The following LINGO2 variants were observed in gnomAD, a reference collection of about 807,000 sequenced individuals.
LINGO2 encodes the protein leucine-rich repeat and immunoglobulin-like domain-containing nogo receptor-interacting protein 2.
A neutral mutation model predicts 30.6 loss-of-function variants in LINGO2; 14 were observed. That is an observed-to-expected ratio of 0.46 (90% CI 0.30 to 0.72). The LOEUF is 0.72. Among genes scored for constraint, LINGO2 ranks in the 30% least tolerant of loss-of-function variants. The probability of loss-of-function intolerance (pLI) is 0.07; values close to 1 mark genes in which losing one functional copy is unlikely to be tolerated. For missense variants in LINGO2, 729 were observed against 751.7 expected, an observed-to-expected ratio of 0.97 and a Z score of 0.35; for synonymous variants, 317 against 288.5, an observed-to-expected ratio of 1.10 and a Z score of -1.00.
chr9:28,427,048 T>A (rs1352496878), intron 2 of LINGO2, among the ~76,000 whole-genome samples: 1 of 152,084 alleles, frequency 6.6e-6, no homozygotes, highest in South Asian at 2.1e-4. Flanking sequence ...AAACCTAATA[T>A]CTGGTTTCAT....
chr9:29,037,263 T>C, the LINGO2 span, among the ~76,000 whole-genome samples: 1 of 151,894 alleles, frequency 6.6e-6, no homozygotes, highest in African/African-American at 2.4e-5. Flanking sequence ...TTTGGATCAA[T>C]AGCTTTACTA....
chr9:28,637,830 T>C (rs1827359417), intron 1 of LINGO2, among the ~76,000 whole-genome samples: 2 of 152,176 alleles, frequency 1.3e-5, no homozygotes, highest in South Asian at 2.1e-4. Context: ...TGCTGCCTGA[T>C]TGCCCTGGCC....
the LINGO2 span, among the ~76,000 whole-genome samples, chr9:28,675,930 C>CAT: frequency 1.5e-3 from 167 of 108,696 alleles, no homozygotes; most frequent in East Asian, 0.018. Flanking sequence ...TATATACATA[C>CAT]ACACACACAC....
chr9:27,975,063 G>A (rs569302937), intron 5 of LINGO2, among the ~76,000 whole-genome samples: 3 of 152,206 alleles, frequency 2.0e-5, no homozygotes, highest in East Asian at 1.9e-4. Context: ...GAATATCAGA[G>A]TGAGGACCTA....
At position 28,148,182 on chromosome 9, in the gene LINGO2, C is replaced by T; in HGVS notation, c.-86-135777G>A. ...AACCCTCAGCGACATCTTGGGCCTT[C>T]TTTTCCAGTCAGTTGGGACGGCGCC... is the stretch of plus-strand genomic sequence containing the variant. On this transcript the variant is annotated intron_variant, in intron 4 of 5. Coordinates refer to ENST00000379992, the Ensembl canonical transcript of LINGO2. The surrounding 1 kb of genome is among the most constrained non-coding windows in gnomAD (Gnocchi z 5.1). 1 of 808,754 alleles carries T rather than the reference C, an allele frequency of 1.2e-6. No individual in the cohort carries two copies. The highest frequency in any genetic ancestry group is 1.8e-6 in the Non-Finnish European group (1 of 563,950). The allele number at this position is 808,754 out of a possible 1,614,324, so 50.1% of individuals were successfully genotyped here.
the LINGO2 span, among the ~76,000 whole-genome samples, chr9:28,851,509 T>A: frequency 1.3e-5 from 2 of 152,130 alleles, no homozygotes; most frequent in Admixed American, 6.6e-5. Flanking sequence ...CAATCTGCAA[T>A]ATTAATTTCT....
rs1274756178 is a variant in LINGO2, at chr9:28,065,016, A to G, written c.-86-52611T>C. Reference sequence around the variant, plus strand: ...TACAAAAATCCATATTATAGGACGCACAACATTCCTACACATGCTGCTTGA... The same window carrying G: ...TACAAAAATCCATATTATAGGACGCGCAACATTCCTACACATGCTGCTTGA... On this transcript the variant is annotated intron_variant, in intron 4 of 5. Transcript: ENST00000379992. 2.0e-5 allele frequency among the ~76,000 whole-genome samples: 3 copies of G among 151,540 alleles called. No individual in the cohort carries two copies. In the South Asian group the frequency reaches 6.3e-4, roughly 32 times the overall value.
At chr9:29,070,614 A>G in the LINGO2 span, among the ~76,000 whole-genome samples, 1 of 152,080 alleles carries the variant, frequency 6.6e-6, no homozygotes, top group African/African-American at 2.4e-5. Flanking sequence ...GACAGACATG[A>G]GTGAGATGAG....
intron 4 of LINGO2, among the ~76,000 whole-genome samples, chr9:28,167,219 C>G (rs765654568): frequency 1.1e-4 from 16 of 144,744 alleles, no homozygotes; most frequent in Non-Finnish European, 2.1e-4. Context: ...AAATCTGCTT[C>G]TACTCAACTT....
intron 5 of LINGO2, among the ~76,000 whole-genome samples, chr9:27,962,450 T>G (rs1272956638): frequency 6.6e-6 from 1 of 152,088 alleles, no homozygotes; most frequent in African/African-American, 2.4e-5. Context: ...GGTGGATCAA[T>G]TTCAGCTCCA....
intron 1 of LINGO2, among the ~76,000 whole-genome samples, chr9:28,484,476 G>A (rs1826093520): frequency 6.6e-6 from 1 of 152,046 alleles, no homozygotes; most frequent in South Asian, 2.1e-4. Context: ...CTGCCCTGCA[G>A]GATATAGAAC....
At chr9:29,106,188 G>T in the LINGO2 span, among the ~76,000 whole-genome samples, 1 of 152,254 alleles carries the variant, frequency 6.6e-6, no homozygotes, top group Admixed American at 6.5e-5. Context: ...AGTATAGTAG[G>T]TATCTGGGTA....
chr9:28,286,506 A>T (rs557893823), intron 4 of LINGO2, among the ~76,000 whole-genome samples: 1 of 152,240 alleles, frequency 6.6e-6, no homozygotes, highest in Non-Finnish European at 1.5e-5. Flanking sequence ...AGACACATGC[A>T]CACATATGTT....
chr9:28,790,363 C>G, the LINGO2 span, among the ~76,000 whole-genome samples: 1 of 118,142 alleles, frequency 8.5e-6, no homozygotes, highest in Non-Finnish European at 1.6e-5. Context: ...GAATCTCGCT[C>G]TGTGGCCCAG....
chr9:28,393,641 G>A (rs760454628), intron 2 of LINGO2, among the ~76,000 whole-genome samples: 2 of 152,186 alleles, frequency 1.3e-5, no homozygotes, highest in Non-Finnish European at 1.5e-5. Context: ...AATAGCGATG[G>A]AGTGGAATGC....
At chr9:28,900,144 C>A in the LINGO2 span, among the ~76,000 whole-genome samples, 38 of 152,168 alleles carry the variant, frequency 2.5e-4, no homozygotes, top group African/African-American at 8.9e-4. Context: ...ACCCACCATA[C>A]CATGTACCAG....
intron 4 of LINGO2, among the ~76,000 whole-genome samples, chr9:28,048,438 T>C (rs1389724492): frequency 6.6e-6 from 1 of 150,802 alleles, no homozygotes; most frequent in Non-Finnish European, 1.5e-5. Context: ...GAGGAAACAC[T>C]ATCCCAAATG....
intron 3 of LINGO2, among the ~76,000 whole-genome samples, chr9:28,336,107 T>C (rs1203329034): frequency 1.3e-5 from 2 of 152,146 alleles, no homozygotes; most frequent in African/African-American, 4.8e-5. Context: ...TGGTATTATC[T>C]TTAATTTTAT....
intron 3 of LINGO2, among the ~76,000 whole-genome samples, chr9:28,311,531 C>T (rs563068617): frequency 5.3e-5 from 8 of 152,048 alleles, no homozygotes; most frequent in Non-Finnish European, 1.0e-4. Flanking sequence ...CCCTCAGGGA[C>T]GCATTCTCTT....
Sources: gnomAD v4.1 joint callset for allele counts (sites outside exome capture counted in the v4.1 genomes callset) on GRCh38, gnomAD v4.1.1 for gene constraint, Gnocchi (gnomAD v3.1) non-coding constraint, MANE v1.5 for transcripts, NCBI Gene and HGNC (gene_info 2026-07-23, HGNC 2026-07-21) for gene names.